PTPRD: variants seen among roughly 807,000 people sequenced by gnomAD.
PTPRD encodes protein tyrosine phosphatase receptor type D.
In PTPRD, 34 loss-of-function variants were observed where a neutral mutation model predicts 214.5. The observed-to-expected ratio is 0.16, with a 90% CI of 0.12 to 0.21. The LOEUF (loss-of-function observed/expected upper bound fraction) is 0.21, where lower values mean the gene tolerates loss of function less well. Ranked by LOEUF, PTPRD falls within the 10% of genes least tolerant of loss-of-function variation. The pLI is 1.00. For missense variants in PTPRD, 2,545 were observed against 2,398.7 expected, an observed-to-expected ratio of 1.06 and a Z score of -1.27; for synonymous variants, 1,128 against 845.7, an observed-to-expected ratio of 1.33 and a Z score of -5.79.
chr9:10,198,907 T>C (rs912961681), intron 3 of PTPRD, among the ~76,000 whole-genome samples: 2 of 152,070 alleles, frequency 1.3e-5, no homozygotes, highest in African/African-American at 2.4e-5. Flanking sequence ...TTAAAGAGGC[T>C]TAGGGGTCAC....
intron 36 of PTPRD, among the ~76,000 whole-genome samples, chr9:8,397,171 G>C (rs1177412769): frequency 1.3e-5 from 2 of 151,996 alleles, no homozygotes; most frequent in African/African-American, 4.8e-5. Flanking sequence ...ATTTCCTTTA[G>C]TACCTTAAAT....
chr9:8,353,388 G>C (rs955193756), intron 39 of PTPRD, among the ~76,000 whole-genome samples: 7 of 150,848 alleles, frequency 4.6e-5, no homozygotes, highest in Non-Finnish European at 8.9e-5. Flanking sequence ...TCTGAATTAT[G>C]AATCAGTATG....
At chr9:10,530,262 T>C (rs952664976) in intron 2 of PTPRD, among the ~76,000 whole-genome samples, 1 of 142,258 alleles carries the variant, frequency 7.0e-6, no homozygotes, top group African/African-American at 2.6e-5. Flanking sequence ...GTAGGTTTTA[T>C]ACTTAGTTCA....
chr9:9,795,497 G>A (rs1192396310), intron 5 of PTPRD, among the ~76,000 whole-genome samples: 3 of 152,036 alleles, frequency 2.0e-5, no homozygotes, highest in Non-Finnish European at 4.4e-5. Flanking sequence ...AGGAAAATTC[G>A]TATTCATGAA....
chr9:10,410,253 G>GTGTATATA (rs141919119), intron 2 of PTPRD, among the ~76,000 whole-genome samples: 70 of 127,138 alleles, frequency 5.5e-4, no homozygotes, highest in African/African-American at 7.9e-4. Flanking sequence ...CATATTTTGT[G>GTGTATATA]TATATATATA....
intron 12 of PTPRD, among the ~76,000 whole-genome samples, chr9:8,656,333 C>T (rs72700327): frequency 0.043 from 6,525 of 152,250 alleles, 427 homozygotes; most frequent in African/African-American, 0.14. Context: ...AAAACACCTG[C>T]TTCTTGAAAG....
At chr9:9,792,771 A>C (rs570762536) in intron 5 of PTPRD, among the ~76,000 whole-genome samples, 15 of 152,158 alleles carry the variant, frequency 9.9e-5, no homozygotes, top group Non-Finnish European at 1.6e-4. Context: ...TCAACTGTTT[A>C]TTAAGAGCAA....
At position 10,187,489 on chromosome 9, in the gene PTPRD, A is replaced by G. The variant is rs542334688; in HGVS notation, c.-545+153474T>C. On this transcript the variant is annotated intron_variant, in intron 3 of 45. Coordinates refer to ENST00000381196, the MANE Select transcript of PTPRD (RefSeq NM_002839.4). ...GGAGTTTAGTGATTCTTTCTTTGGA[A>G]TCCCAACTGGTCCCATCTATTTACT... 1.2e-3 allele frequency among the ~76,000 whole-genome samples: 178 copies of G among 152,318 alleles called. 6 individuals are homozygous for G. In the South Asian group the frequency reaches 0.035, roughly 30 times the overall value.
chr9:8,411,524 G>A (rs914866088), intron 35 of PTPRD, among the ~76,000 whole-genome samples: 2 of 152,018 alleles, frequency 1.3e-5, no homozygotes, highest in African/African-American at 2.4e-5. Context: ...GGCTAGTCTC[G>A]AACTCATGAC....
At chr9:10,400,157 C>T (rs936607510) in intron 2 of PTPRD, among the ~76,000 whole-genome samples, 6 of 151,780 alleles carry the variant, frequency 4.0e-5, no homozygotes, top group African/African-American at 1.4e-4. Flanking sequence ...ATGTAGTAGT[C>T]AGGCAGGTCA....
intron 3 of PTPRD, among the ~76,000 whole-genome samples, chr9:10,100,083 T>C (rs1005586924): frequency 6.6e-6 from 1 of 151,708 alleles, no homozygotes; most frequent in Admixed American, 6.6e-5. Flanking sequence ...TTAACTGTTC[T>C]TCCATAGGAT....
rs552820595 is a variant in PTPRD, at chr9:8,748,115, C to T, written c.-103-14169G>A. On this transcript the variant is annotated intron_variant, in intron 11 of 45. Coordinates refer to ENST00000381196, the MANE Select transcript of PTPRD (RefSeq NM_002839.4). ...CTCAACTGCACAACAACTACTATGC[C>T]CCAATTCAGCAGGAAGCAGTTAGAG... Among the ~76,000 whole-genome samples the T allele has an allele frequency of 3.9e-5, 6 of 152,252 alleles. 1 individual carries two copies. The highest frequency in any genetic ancestry group is 7.4e-5 in the Non-Finnish European group (5 of 68,026).
intron 3 of PTPRD, among the ~76,000 whole-genome samples, chr9:10,070,875 TAG>T (rs2097995998): frequency 1.3e-5 from 2 of 151,948 alleles, no homozygotes; most frequent in South Asian, 2.1e-4. Context: ...ATTAAAAAAA[TAG>T]AGTCATGAGT....
chr9:8,330,607 T>TATAACATGCCTGAGAAAC (rs1839373149), intron 44 of PTPRD, among the ~76,000 whole-genome samples: 3 of 152,184 alleles, frequency 2.0e-5, no homozygotes, highest in Admixed American at 1.3e-4. Context: ...GTTTGCTTCT[T>TATAACATGCCTGAGAAAC]ATAACATGCC....
At chr9:9,152,570 T>A (rs928676183) in intron 10 of PTPRD, among the ~76,000 whole-genome samples, 1 of 152,182 alleles carries the variant, frequency 6.6e-6, no homozygotes, top group African/African-American at 2.4e-5. Context: ...AAAACGAAGT[T>A]GTCAACCAAC....
intron 7 of PTPRD, among the ~76,000 whole-genome samples, chr9:9,666,063 G>C (rs1274861690): frequency 2.0e-5 from 3 of 151,672 alleles, no homozygotes; most frequent in Admixed American, 6.6e-5. Context: ...AAGTTTTCTG[G>C]AGTTATTCGG....
At chr9:10,574,384 A>C (rs2068477555) in intron 2 of PTPRD, among the ~76,000 whole-genome samples, 1 of 152,164 alleles carries the variant, frequency 6.6e-6, no homozygotes, top group African/African-American at 2.4e-5. Flanking sequence ...TCAGGAAATG[A>C]AGCAGCATAG....
chr9:8,817,219 G>A (rs1342271075), intron 11 of PTPRD, among the ~76,000 whole-genome samples: 1 of 152,138 alleles, frequency 6.6e-6, no homozygotes, highest in Admixed American at 6.5e-5. Flanking sequence ...CAAAACAACA[G>A]CTATGAGCAA....
intron 3 of PTPRD, among the ~76,000 whole-genome samples, chr9:10,206,239 A>G (rs1326720648): frequency 6.6e-6 from 1 of 152,188 alleles, no homozygotes; most frequent in Non-Finnish European, 1.5e-5. Flanking sequence ...AAAGAGGCTT[A>G]GTTTTTATGA....
Sources: gnomAD v4.1 joint callset for allele counts (sites outside exome capture counted in the v4.1 genomes callset) on GRCh38, gnomAD v4.1.1 for gene constraint, MANE v1.5 for transcripts, NCBI Gene and HGNC (gene_info 2026-07-23, HGNC 2026-07-21) for gene names.